Variants in SLC16A12 observed in about 807,000 individuals in gnomAD.
SLC16A12 encodes the protein solute carrier family 16 member 12, also known as monocarboxylate transporter 12.
In SLC16A12, 17 loss-of-function variants were observed where a neutral mutation model predicts 42.4. The ratio of observed to expected loss-of-function variants is 0.40; its 90% confidence interval spans 0.27 to 0.60. The LOEUF (loss-of-function observed/expected upper bound fraction) is 0.60, where lower values mean the gene tolerates loss of function less well. SLC16A12 is among the 20% of genes least tolerant of loss of function. The pLI is 0.42. For missense variants in SLC16A12, 544 were observed against 623.0 expected (o/e 0.87, Z 1.35); for synonymous variants, 224 against 229.4 (o/e 0.98, Z 0.21).
At chr10:89,448,918 A>C (rs544352125) in intron 3 of SLC16A12, among the ~76,000 whole-genome samples, 1 of 152,240 alleles carries the variant, frequency 6.6e-6, no homozygotes, top group African/African-American at 2.4e-5. Flanking sequence ...GTCTCAGGAT[A>C]CAAAATCAAT....
chr10:89,483,483 G>A (rs1410505016), intron 2 of SLC16A12, among the ~76,000 whole-genome samples: 1 of 152,146 alleles, frequency 6.6e-6, no homozygotes, highest in Non-Finnish European at 1.5e-5. Context: ...CTCCCCAAGA[G>A]AGGTTGGGAA....
chr10:89,497,957 G>C (rs60192255), intron 2 of SLC16A12, among the ~76,000 whole-genome samples: 1 of 152,048 alleles, frequency 6.6e-6, no homozygotes, highest in East Asian at 1.9e-4. Context: ...TTTTATCTAC[G>C]TCTGTACTAT....
intron 2 of SLC16A12, among the ~76,000 whole-genome samples, chr10:89,478,673 T>C (rs1489005080): frequency 1.3e-5 from 2 of 152,214 alleles, no homozygotes; most frequent in Admixed American, 1.3e-4. Flanking sequence ...CACCTTTATT[T>C]AAATGGACAA....
chr10:89,466,535 C>A (rs146505039), intron 2 of SLC16A12, among the ~76,000 whole-genome samples: 65 of 152,346 alleles, frequency 4.3e-4, no homozygotes, highest in Middle Eastern at 3.4e-3. Context: ...ACAAGCAAAT[C>A]AGGCTTCAGG....
rs774712510 is a variant in SLC16A12, at chr10:89,451,478, C to A, written c.201-7619G>T. ...CCAGGCTGGAGTGCAATGATGCAATCTCGGGTCACTGCAACCTCCGCCTCC... is the reference window on the plus strand; with the variant it reads ...CCAGGCTGGAGTGCAATGATGCAATATCGGGTCACTGCAACCTCCGCCTCC... On this transcript the variant is annotated intron_variant, in intron 3 of 7. Transcript: ENST00000371790. Among the ~76,000 whole-genome samples the A allele has an allele frequency of 2.7e-4, 41 of 152,020 alleles. No individual in the cohort carries two copies. The Middle Eastern group carries it at 0.01, about 38-fold the overall frequency.
At position 89,430,862 on chromosome 10, in the gene SLC16A12, A is replaced by C. The variant is rs1412079329; in HGVS notation, c.*2202T>G. On this transcript the variant is annotated 3_prime_UTR_variant, in exon 8 of 8. Coordinates refer to ENST00000371790, the MANE Select transcript of SLC16A12 (RefSeq NM_213606.4). Reference sequence around the variant, plus strand: ...AATTTTGTTGTGATCATGATAAAAAATATGTATAAGAATATTTGTAACTAT... The same window carrying C: ...AATTTTGTTGTGATCATGATAAAAACTATGTATAAGAATATTTGTAACTAT... The C allele has an allele frequency of 1.6e-5, 6 of 377,160 alleles. No homozygotes were observed. The highest frequency in any genetic ancestry group is 3.1e-5 in the Non-Finnish European group (6 of 194,808). 23.4% of individuals were successfully genotyped at this position (377,160 alleles called of 1,614,324 possible).
chr10:89,488,327 T>C (rs1318065388), intron 2 of SLC16A12, among the ~76,000 whole-genome samples: 2 of 152,200 alleles, frequency 1.3e-5, no homozygotes, highest in Non-Finnish European at 2.9e-5. Flanking sequence ...TACTATTTTT[T>C]CAGCACTGAT....
At position 89,534,644 on chromosome 10, in the gene SLC16A12, C is replaced by CAAAAAAAAAAAAAAAAAAAAA. The variant is rs55935286; in HGVS notation, c.-186-25_-186-5dup. ...CCAATATGTCGAAATCCTGTATCTG[C>CAAAAAAAAAAAAAAAAAAAAA]AAAAAAAAAAAAAAAAAAAAAAAAA... On this transcript the variant is annotated splice_region_variant and splice_polypyrimidine_tract_variant and intron_variant, in intron 1 of 7. Coordinates refer to ENST00000371790, the MANE Select transcript of SLC16A12 (RefSeq NM_213606.4). 2 of 52,282 alleles carry CAAAAAAAAAAAAAAAAAAAAA rather than the reference C, an allele frequency of 3.8e-5. No individual in the cohort carries two copies. Among genetic ancestry groups the CAAAAAAAAAAAAAAAAAAAAA allele is most frequent in the African/African-American group, 1.0e-4 (1 of 9,828 alleles). The allele number at this position is 52,282 out of a possible 1,614,324, so 3.2% of individuals were successfully genotyped here. A position where few individuals can be genotyped will look rare whatever the true frequency, so the allele number is the denominator to read the frequency against.
At chr10:89,541,002 AG>A (rs1378788491) in intron 2 of SLC16A12, among the ~76,000 whole-genome samples, 3 of 151,140 alleles carry the variant, frequency 2.0e-5, no homozygotes, top group Non-Finnish European at 2.9e-5. Flanking sequence ...GCTCAATTTA[AG>A]CTCTGCCTCC....
chr10:89,474,444 A>G (rs1842545861), intron 2 of SLC16A12, among the ~76,000 whole-genome samples: 1 of 152,224 alleles, frequency 6.6e-6, no homozygotes, highest in African/African-American at 2.4e-5. Context: ...AACCCCCTCA[A>G]GTCATAAGAA....
chr10:89,466,484 C>T (rs910865984), intron 2 of SLC16A12, among the ~76,000 whole-genome samples: 3 of 152,216 alleles, frequency 2.0e-5, no homozygotes, highest in African/African-American at 7.2e-5. Flanking sequence ...TTCACAGAAT[C>T]ATACTTATAG....
At chr10:89,515,578 G>A (rs946101699) in intron 2 of SLC16A12, among the ~76,000 whole-genome samples, 5 of 152,090 alleles carry the variant, frequency 3.3e-5, no homozygotes, top group African/African-American at 7.2e-5. Flanking sequence ...TCTTATCCCC[G>A]TTTTCCCACA....
At chr10:89,474,333 T>C (rs774138436) in intron 2 of SLC16A12, among the ~76,000 whole-genome samples, 5 of 152,100 alleles carry the variant, frequency 3.3e-5, no homozygotes, top group Non-Finnish European at 7.4e-5. Context: ...ACAAAATACA[T>C]GCATGCACAC....
chr10:89,500,206 T>C lies in SLC16A12; in HGVS notation c.-47+34295A>G, dbSNP rs182238341. The stretch of plus-strand genomic sequence containing the variant: ...AGGGATTCACAGCAGGATTCTACCA[T>C]ACATTCAAAGAAGAATTGGTACCAA... On this transcript the variant is annotated intron_variant, in intron 2 of 7. Transcript: ENST00000371790. Among the ~76,000 whole-genome samples, 306 of 152,194 alleles carry C rather than the reference T, an allele frequency of 2.0e-3. 1 individual carries two copies. The highest frequency in any genetic ancestry group is 7.0e-3 in the African/African-American group (289 of 41,538).
intron 2 of SLC16A12, among the ~76,000 whole-genome samples, chr10:89,521,196 CT>C (rs1843347392): frequency 6.6e-6 from 1 of 152,186 alleles, no homozygotes; most frequent in South Asian, 2.1e-4. Context: ...ACAATAATGC[CT>C]TGTCTCTGTC....
intron 2 of SLC16A12, among the ~76,000 whole-genome samples, chr10:89,529,807 C>T (rs1470017699): frequency 6.6e-6 from 1 of 152,166 alleles, no homozygotes; most frequent in Non-Finnish European, 1.5e-5. Context: ...CTCAACCTCC[C>T]AAAGTGCTGG....
At position 89,510,863 on chromosome 10, in the gene SLC16A12, A is replaced by C. The variant is rs533021574; in HGVS notation, c.-47+23638T>G. 7.9e-5 allele frequency among the ~76,000 whole-genome samples: 12 copies of C among 152,356 alleles called. No homozygotes were observed. The East Asian group carries it at 2.1e-3, about 27-fold the overall frequency. ...AAAGGGCTAATATCCAGAATCTACA[A>C]ATAATTTATACAAATTTACAAGAAA... is the stretch of plus-strand genomic sequence containing the variant. On this transcript the variant is annotated intron_variant, in intron 2 of 7. Coordinates refer to ENST00000371790, the MANE Select transcript of SLC16A12 (RefSeq NM_213606.4).
At chr10:89,554,433 G>A (rs1190243879) in intron 2 of SLC16A12, among the ~76,000 whole-genome samples, 1 of 152,184 alleles carries the variant, frequency 6.6e-6, no homozygotes, top group Non-Finnish European at 1.5e-5. Context: ...ACCTTTTGAG[G>A]AAACAGGACA....
chr10:89,489,257 A>T (rs1379803479), intron 2 of SLC16A12, among the ~76,000 whole-genome samples: 1 of 152,212 alleles, frequency 6.6e-6, no homozygotes, highest in African/African-American at 2.4e-5. Flanking sequence ...TCCAAAAATC[A>T]TATTCACCTT....
Sources: allele counts gnomAD v4.1 joint callset (sites outside exome capture counted in the v4.1 genomes callset), GRCh38; gene constraint gnomAD v4.1.1; transcripts MANE v1.5; gene names NCBI Gene and HGNC (gene_info 2026-07-23, HGNC 2026-07-21).